TSNARE1: variants seen among roughly 807,000 people sequenced by gnomAD.
The protein encoded by TSNARE1 is t-SNARE domain containing 1.
In TSNARE1, 49 loss-of-function variants were observed where a neutral mutation model predicts 62.0. The ratio of observed to expected loss-of-function variants is 0.79; its 90% CI spans 0.63 to 1.00. TSNARE1 has a LOEUF of 1.00. TSNARE1 is among the 50% of genes least tolerant of loss of function. The probability of loss-of-function intolerance (pLI) is 0.00; values close to 1 mark genes in which losing one functional copy is unlikely to be tolerated. For synonymous variants in TSNARE1, 328 were observed against 294.4 expected (o/e 1.11, Z -1.17); for missense variants, 755 against 700.1 (o/e 1.08, Z -0.88).
chr8:142,308,282 C>T (rs564745123), intron 9 of TSNARE1, among the ~76,000 whole-genome samples: 1 of 152,178 alleles, frequency 6.6e-6, no homozygotes, highest in Non-Finnish European at 1.5e-5. Context: ...ACTTGTCCAC[C>T]GTGAAGGCGT....
chr8:142,376,357 C>G (rs1403975667), intron 1 of TSNARE1, among the ~76,000 whole-genome samples: 3 of 152,212 alleles, frequency 2.0e-5, no homozygotes, highest in Non-Finnish European at 2.9e-5. Flanking sequence ...CAAGTTCCCA[C>G]TTTGAAATCC....
At chr8:142,378,123 A>G (rs1408985884) in intron 1 of TSNARE1, among the ~76,000 whole-genome samples, 1 of 152,226 alleles carries the variant, frequency 6.6e-6, no homozygotes, top group Non-Finnish European at 1.5e-5. Flanking sequence ...GACCCCGTAC[A>G]CCATGGTCAG....
chr8:142,271,469 G>T, intron 12 of TSNARE1: 1 of 1,282,168 alleles, frequency 7.8e-7, no homozygotes, highest in Non-Finnish European at 9.8e-7. Context: ...CCTCCTGGAG[G>T]GCAAGGGAGG....
At chr8:142,332,276 G>T (rs182251927) in intron 4 of TSNARE1, among the ~76,000 whole-genome samples, 2 of 152,340 alleles carry the variant, frequency 1.3e-5, no homozygotes, top group East Asian at 3.9e-4. Flanking sequence ...CACAATGCAG[G>T]TGAGCCCTGA....
At chr8:142,228,104 A>C (rs529295368) in intron 13 of TSNARE1, among the ~76,000 whole-genome samples, 30 of 152,340 alleles carry the variant, frequency 2.0e-4, no homozygotes, top group African/African-American at 7.2e-4. Context: ...TGGATCCTTC[A>C]GCCGCAGTTG....
intron 4 of TSNARE1, among the ~76,000 whole-genome samples, chr8:142,343,276 G>A (rs1295783961): frequency 6.6e-6 from 1 of 152,184 alleles, no homozygotes; most frequent in African/African-American, 2.4e-5. Context: ...AACAGTAACA[G>A]AGCAGCATGT....
At chr8:142,293,645 G>A (rs1824189298) in intron 10 of TSNARE1, among the ~76,000 whole-genome samples, 1 of 152,168 alleles carries the variant, frequency 6.6e-6, no homozygotes, top group South Asian at 2.1e-4. Flanking sequence ...CCTCCGCAGG[G>A]GACAAGGAAG....
At chr8:142,330,048 G>A (rs1830786056) in intron 6 of TSNARE1, among the ~76,000 whole-genome samples, 1 of 152,230 alleles carries the variant, frequency 6.6e-6, no homozygotes, top group South Asian at 2.1e-4. Context: ...AGGCTGGTGT[G>A]GCCACCAGTT....
intron 1 of TSNARE1, among the ~76,000 whole-genome samples, chr8:142,355,385 T>C (rs544323337): frequency 6.6e-6 from 1 of 152,214 alleles, no homozygotes; most frequent in Non-Finnish European, 1.5e-5. Context: ...GTCTTAGGGC[T>C]GTTGTGAGAT....
rs199660218 is a variant in TSNARE1 at position 142,276,262 on chromosome 8, G to GC, written c.1364-1400dup. On this transcript the variant is annotated intron_variant, in intron 11 of 13. Coordinates refer to ENST00000524325, the MANE Select transcript of TSNARE1 (RefSeq NM_145003.5). ...GCACCCCTTTGCTCACTTGCAGACA[G>GC]CCCCCAACTGAACTCTGCTCTCTAT... The GC allele has an allele frequency of 2.1e-3, 2,022 of 985,402 alleles. 32 individuals are homozygous for GC. The African/African-American group carries it at 0.033, about 16-fold the overall frequency. 61.0% of individuals were successfully genotyped at this position (985,402 alleles called of 1,614,324 possible).
At chr8:142,301,650 C>A (rs1360761036) in intron 9 of TSNARE1, among the ~76,000 whole-genome samples, 1 of 152,170 alleles carries the variant, frequency 6.6e-6, no homozygotes, top group Non-Finnish European at 1.5e-5. Flanking sequence ...GGATGTGTGA[C>A]CATGTGACAT....
At chr8:142,339,418 G>A (rs1019780047) in intron 4 of TSNARE1, among the ~76,000 whole-genome samples, 5 of 152,094 alleles carry the variant, frequency 3.3e-5, no homozygotes, top group Admixed American at 6.5e-5. Flanking sequence ...GACCTATACC[G>A]TGGATGAGGC....
At chr8:142,317,164 G>A (rs1305269595) in intron 7 of TSNARE1, among the ~76,000 whole-genome samples, 1 of 149,310 alleles carries the variant, frequency 6.7e-6, no homozygotes, top group Non-Finnish European at 1.5e-5. Context: ...TATGGCCAGC[G>A]GCTCACACTG....
intron 1 of TSNARE1, among the ~76,000 whole-genome samples, chr8:142,362,580 A>G (rs1835246896): frequency 6.6e-6 from 1 of 152,038 alleles, no homozygotes; most frequent in African/African-American, 2.4e-5. Context: ...ATACAAGCAC[A>G]CTAGGCCGAG....
intron 12 of TSNARE1, among the ~76,000 whole-genome samples, chr8:142,266,234 C>T (rs968674960): frequency 8.5e-5 from 13 of 152,200 alleles, no homozygotes; most frequent in African/African-American, 2.9e-4. Context: ...AAAATCTATT[C>T]CACAAATTAG....
At chr8:142,305,722 G>C (rs921404323) in intron 9 of TSNARE1, among the ~76,000 whole-genome samples, 2 of 152,200 alleles carry the variant, frequency 1.3e-5, no homozygotes, top group Non-Finnish European at 2.9e-5. Context: ...CTGGGATTAG[G>C]GATTTGCTGG....
chr8:142,361,032 C>T (rs1282206414), intron 1 of TSNARE1, among the ~76,000 whole-genome samples: 2 of 152,232 alleles, frequency 1.3e-5, no homozygotes, highest in Non-Finnish European at 2.9e-5. Flanking sequence ...TCCAGAACAG[C>T]TCCAGCCCCT....
chr8:142,222,515 C>T (rs866194264), intron 13 of TSNARE1, among the ~76,000 whole-genome samples: 5 of 94,660 alleles, frequency 5.3e-5, no homozygotes, highest in Non-Finnish European at 4.7e-5. Context: ...CACTCACTCA[C>T]TCACTCATCC....
intron 12 of TSNARE1, chr8:142,247,882 G>A (rs1817967994): frequency 6.6e-6 from 1 of 152,276 alleles, no homozygotes; most frequent in Non-Finnish European, 1.5e-5. Context: ...TGTGGTGTCT[G>A]GATGAGACTT....
Sources: allele counts gnomAD v4.1 joint callset (sites outside exome capture counted in the v4.1 genomes callset), GRCh38; gene constraint gnomAD v4.1.1; transcripts MANE v1.5; gene names NCBI Gene and HGNC (gene_info 2026-07-23, HGNC 2026-07-21).